Variants in BEND7 observed in about 807,000 individuals in gnomAD.
BEND7 encodes the protein BEN domain containing 7.
BEND7 carries 28 observed loss-of-function variants against 50.9 expected under a neutral mutation model. The observed-to-expected ratio is 0.55, with a 90% CI of 0.41 to 0.75. BEND7 has a LOEUF of 0.75. Ranked by LOEUF, BEND7 falls within the 30% of genes least tolerant of loss-of-function variation. BEND7 has a pLI of 0.00. For missense variants in BEND7, 477 were observed against 491.3 expected (o/e 0.97, Z 0.28); for synonymous variants, 170 against 183.9 (o/e 0.92, Z 0.61).
At chr10:13,453,004 C>T (rs551853713) in intron 6 of BEND7, among the ~76,000 whole-genome samples, 35 of 152,266 alleles carry the variant, frequency 2.3e-4, no homozygotes, top group South Asian at 1.2e-3. Context: ...GTTTAGCAAA[C>T]GTATTAAAAG....
intron 6 of BEND7, among the ~76,000 whole-genome samples, chr10:13,459,047 T>C (rs1206601099): frequency 6.6e-6 from 1 of 152,218 alleles, no homozygotes. Flanking sequence ...ACAGGAGTTA[T>C]TTTCCACATA....
At chr10:13,503,355 G>A (rs1394778913) in intron 2 of BEND7, among the ~76,000 whole-genome samples, 3 of 152,212 alleles carry the variant, frequency 2.0e-5, no homozygotes. Flanking sequence ...GCCAGAAGCA[G>A]GTCCCTCCTC....
chr10:13,485,861 C>A (rs1322544129), intron 5 of BEND7, among the ~76,000 whole-genome samples: 2 of 152,104 alleles, frequency 1.3e-5, no homozygotes, highest in African/African-American at 4.8e-5. Context: ...TCACTATTAT[C>A]ATTTATTTTC....
At chr10:13,447,073 C>A in intron 8 of BEND7, 193 bp downstream of exon 8, 1 of 619,586 alleles carries the variant, frequency 1.6e-6, no homozygotes, top group Non-Finnish European at 2.9e-6. Flanking sequence ...GTGAGAAAAA[C>A]GTTTTTCTAT....
At chr10:13,487,677 C>T (rs993285061) in intron 5 of BEND7, among the ~76,000 whole-genome samples, 28 of 152,150 alleles carry the variant, frequency 1.8e-4, no homozygotes, top group Middle Eastern at 3.4e-3. Context: ...TGAGCCACCG[C>T]ACCTGGCCAA....
Position 13,441,620 on chromosome 10 carries a change from C to G in BEND7, c.*123G>C. The G allele has an allele frequency of 6.4e-7, 1 of 1,557,678 alleles. No individual in the cohort carries two copies. The highest frequency in any genetic ancestry group is 8.7e-7 in the Non-Finnish European group (1 of 1,154,056). On this transcript the variant is annotated 3_prime_UTR_variant, in exon 9 of 9. Transcript: ENST00000466271. ...GCAACATACTCATCCTATTTTAACA[C>G]GGCGAAAGGTCACCAATTAATCTTC...
chr10:13,512,515 T>C lies in BEND7; in HGVS notation c.146-12435A>G, dbSNP rs188877435. The stretch of plus-strand genomic sequence containing the variant: ...TCATTCAACAAGAAAATGTTCACAA[T>C]TTACTATTTGCAAAGAGACGCCCTT... On this transcript the variant is annotated intron_variant, in intron 2 of 8. Coordinates refer to ENST00000466271, the MANE Select transcript of BEND7 (RefSeq NM_001369863.1). 1.0e-3 allele frequency among the ~76,000 whole-genome samples: 154 copies of C among 152,346 alleles called. 3 individuals are homozygous for C. The highest frequency in any genetic ancestry group is 1.0e-2 in the Admixed American group (153 of 15,304).
At chr10:13,495,061 G>A (rs2076935815) in intron 4 of BEND7, among the ~76,000 whole-genome samples, 1 of 152,214 alleles carries the variant, frequency 6.6e-6, no homozygotes, top group African/African-American at 2.4e-5. Flanking sequence ...ATTCTAAAAA[G>A]GCTTCCGTCA....
chr10:13,446,141 G>A (rs975153344), intron 8 of BEND7: 1 of 152,212 alleles, frequency 6.6e-6, no homozygotes, highest in African/African-American at 2.4e-5. Context: ...ACTTGATGTA[G>A]GCAGGTCTTT....
chr10:13,472,443 C>G (rs566538494), intron 6 of BEND7, among the ~76,000 whole-genome samples: 1 of 152,074 alleles, frequency 6.6e-6, no homozygotes, highest in East Asian at 1.9e-4. Context: ...TGATATCTGT[C>G]ATCGCTGTTA....
At chr10:13,451,905 G>A (rs1468967828) in intron 7 of BEND7, among the ~76,000 whole-genome samples, 17 of 152,082 alleles carry the variant, frequency 1.1e-4, no homozygotes, top group Non-Finnish European at 5.9e-5. Context: ...TGACTACACA[G>A]GGATTCTTCA....
chr10:13,493,006 T>C (rs2076778297), intron 4 of BEND7, 130 bp from the exon 5 acceptor site: 1 of 1,123,112 alleles, frequency 8.9e-7, no homozygotes, highest in South Asian at 1.6e-5. Flanking sequence ...GCACACTAAA[T>C]AAATCTCCAA....
intron 6 of BEND7, among the ~76,000 whole-genome samples, chr10:13,464,784 C>T (rs941354068): frequency 2.0e-5 from 3 of 152,180 alleles, no homozygotes; most frequent in African/African-American, 4.8e-5. Context: ...GAAAATTTCT[C>T]CTAGGGCTAT....
At chr10:13,500,181 T>C in intron 2 of BEND7, 101 bp from the exon 3 acceptor site, 1 of 1,018,040 alleles carries the variant, frequency 9.8e-7, no homozygotes, top group Non-Finnish European at 1.4e-6. Flanking sequence ...TCTTTGGAAA[T>C]GGGAAAGATG....
intron 1 of BEND7, among the ~76,000 whole-genome samples, chr10:13,527,562 G>A (rs1424317093): frequency 2.0e-5 from 3 of 152,160 alleles, no homozygotes; most frequent in African/African-American, 7.2e-5. Flanking sequence ...TTGGGGTTTG[G>A]CTTTGACCTC....
At chr10:13,493,372 A>C (rs1248992301) in intron 4 of BEND7, among the ~76,000 whole-genome samples, 1 of 152,224 alleles carries the variant, frequency 6.6e-6, no homozygotes, top group Non-Finnish European at 1.5e-5. Context: ...AAGACTGATC[A>C]AAAGAAGCCG....
intron 4 of BEND7, among the ~76,000 whole-genome samples, chr10:13,495,780 T>A (rs2076981363): frequency 6.6e-6 from 1 of 152,218 alleles, no homozygotes; most frequent in South Asian, 2.1e-4. Flanking sequence ...CACTGAATAT[T>A]AAAATTATAC....
Position 13,441,458 on chromosome 10 carries a change from G to GTGGCC in BEND7, c.*284_*285insGGCCA. The GTGGCC allele has an allele frequency of 8.7e-7, 1 of 1,143,418 alleles. No individual in the cohort carries two copies. Among genetic ancestry groups the GTGGCC allele is most frequent in the South Asian group, 4.5e-5 (1 of 22,348 alleles). 70.8% of individuals were successfully genotyped at this position (1,143,418 alleles called of 1,614,324 possible). On this transcript the variant is annotated 3_prime_UTR_variant, in exon 9 of 9. Transcript: ENST00000466271. ...GATCCGTTCATCGCACACATCTTTG[G>GTGGCC]GTTGAACAAGCTCCACCCGTCCTCA...
intron 7 of BEND7, among the ~76,000 whole-genome samples, chr10:13,450,555 T>C (rs1837446728): frequency 6.6e-6 from 1 of 152,178 alleles, no homozygotes; most frequent in African/African-American, 2.4e-5. Context: ...TGTGCTGTCA[T>C]TTGGGTCTGC....
Sources: gnomAD v4.1 joint callset for allele counts (sites outside exome capture counted in the v4.1 genomes callset) on GRCh38, gnomAD v4.1.1 for gene constraint, MANE v1.5 for transcripts, NCBI Gene and HGNC (gene_info 2026-07-23, HGNC 2026-07-21) for gene names.